The following SLC9A9 variants were observed in gnomAD, a reference collection of about 807,000 sequenced individuals.
The protein encoded by SLC9A9 is sodium/hydrogen exchanger 9.
In SLC9A9, 62 loss-of-function variants were observed where a neutral mutation model predicts 77.8. The observed-to-expected ratio is 0.80, with a 90% CI of 0.65 to 0.98. The LOEUF (loss-of-function observed/expected upper bound fraction) is 0.98, where lower values mean the gene tolerates loss of function less well. Ranked by LOEUF, SLC9A9 falls within the 50% of genes least tolerant of loss-of-function variation. The pLI, the probability that SLC9A9 is intolerant of heterozygous loss-of-function variation, is 0.00. For synonymous variants in SLC9A9, 320 were observed against 283.5 expected (o/e 1.13, Z -1.29); for missense variants, 775 against 774.9 (o/e 1.00, Z 0.00).
chr3:143,535,796 A>G (rs2036581224), intron 9 of SLC9A9, among the ~76,000 whole-genome samples: 1 of 152,194 alleles, frequency 6.6e-6, no homozygotes, highest in Non-Finnish European at 1.5e-5. Context: ...TTACTCCATT[A>G]TATATAAAAT....
chr3:143,819,796 A>G (rs933859156), intron 2 of SLC9A9, among the ~76,000 whole-genome samples: 3 of 152,236 alleles, frequency 2.0e-5, no homozygotes, highest in Non-Finnish European at 4.4e-5. Context: ...ACAGTTTTAA[A>G]GTTTCCTTCA....
intron 6 of SLC9A9, among the ~76,000 whole-genome samples, chr3:143,579,485 G>A (rs756520281): frequency 8.5e-5 from 13 of 152,102 alleles, no homozygotes; most frequent in Non-Finnish European, 1.9e-4. Context: ...AGATCCCAGA[G>A]TGTGAATATG....
chr3:143,836,594 G>A (rs1040045789), intron 1 of SLC9A9, among the ~76,000 whole-genome samples: 1 of 152,334 alleles, frequency 6.6e-6, no homozygotes, highest in Middle Eastern at 3.4e-3. Context: ...CATGATGTTT[G>A]TGAGAGAAGA....
chr3:143,682,995 G>T (rs918238304), intron 5 of SLC9A9, among the ~76,000 whole-genome samples: 1 of 152,140 alleles, frequency 6.6e-6, no homozygotes, highest in African/African-American at 2.4e-5. Flanking sequence ...AGGTTCTAAA[G>T]ATTAAGGTAT....
intron 4 of SLC9A9, among the ~76,000 whole-genome samples, chr3:143,705,340 G>A (rs1933942423): frequency 6.6e-6 from 1 of 151,848 alleles, no homozygotes; most frequent in Admixed American, 6.6e-5. Flanking sequence ...GATGGTTAAT[G>A]GGTACAAAAA....
chr3:143,704,567 C>T (rs6769781), intron 4 of SLC9A9, among the ~76,000 whole-genome samples: 145,555 of 152,326 alleles, frequency 0.96, 69,587 homozygotes, highest in East Asian at 1. Context: ...GCAATTTCAC[C>T]TCTAGGAATA....
At chr3:143,839,897 T>C (rs1245584513) in intron 1 of SLC9A9, among the ~76,000 whole-genome samples, 1 of 152,182 alleles carries the variant, frequency 6.6e-6, no homozygotes, top group African/African-American at 2.4e-5. Context: ...TTACAAAGTG[T>C]TATAGACGGT....
chr3:143,714,459 C>T (rs553948569), intron 4 of SLC9A9, among the ~76,000 whole-genome samples: 34 of 152,300 alleles, frequency 2.2e-4, no homozygotes, highest in Admixed American at 3.3e-4. Flanking sequence ...CAGGCATTAT[C>T]GAGTCCAGTC....
intron 8 of SLC9A9, among the ~76,000 whole-genome samples, chr3:143,568,738 A>G (rs987430888): frequency 6.6e-6 from 1 of 152,164 alleles, no homozygotes; most frequent in Non-Finnish European, 1.5e-5. Context: ...AATGCTTCAG[A>G]CATTCTTTTG....
intron 12 of SLC9A9, among the ~76,000 whole-genome samples, chr3:143,464,211 G>T (rs1393989444): frequency 6.6e-6 from 1 of 152,142 alleles, no homozygotes; most frequent in Non-Finnish European, 1.5e-5. Context: ...TTACTTCGTG[G>T]TGTTTTTGGA....
chr3:143,551,774 G>A (rs187421015), intron 9 of SLC9A9, among the ~76,000 whole-genome samples: 1 of 152,308 alleles, frequency 6.6e-6, no homozygotes, highest in Admixed American at 6.5e-5. Context: ...ACCTCTTGAA[G>A]GCAGGGCCAT....
At chr3:143,268,811 G>A (rs1341261027) in intron 15 of SLC9A9, 64 bp downstream of exon 15, 18 of 1,210,398 alleles carry the variant, frequency 1.5e-5, no homozygotes, top group African/African-American at 3.1e-5. Flanking sequence ...TGGGCTCATC[G>A]ATATTCACCA....
intron 14 of SLC9A9, among the ~76,000 whole-genome samples, chr3:143,311,820 C>T (rs1461431108): frequency 1.3e-5 from 2 of 152,186 alleles, no homozygotes; most frequent in African/African-American, 4.8e-5. Context: ...GTACTGAAAT[C>T]AACCTGAGCA....
At chr3:143,303,667 G>T (rs998218315) in intron 14 of SLC9A9, among the ~76,000 whole-genome samples, 5 of 152,168 alleles carry the variant, frequency 3.3e-5, no homozygotes, top group African/African-American at 1.2e-4. Flanking sequence ...ACCTCAGAGA[G>T]GTATTTATAA....
intron 13 of SLC9A9, among the ~76,000 whole-genome samples, chr3:143,373,664 A>G (rs565559814): frequency 9.2e-5 from 14 of 151,910 alleles, no homozygotes; most frequent in African/African-American, 3.4e-4. Flanking sequence ...AAGAAGTACA[A>G]TATTTGGAAT....
At chr3:143,651,114 G>A (rs964985009) in intron 6 of SLC9A9, among the ~76,000 whole-genome samples, 2 of 152,168 alleles carry the variant, frequency 1.3e-5, no homozygotes, top group African/African-American at 4.8e-5. Context: ...TTCTTTTAAT[G>A]CTAGTATTTC....
At chr3:143,707,979 T>C (rs1202757068) in intron 4 of SLC9A9, among the ~76,000 whole-genome samples, 2 of 152,156 alleles carry the variant, frequency 1.3e-5, no homozygotes, top group South Asian at 4.1e-4. Context: ...CTTGCATGTT[T>C]GGGTCAGTTT....
rs2039001082 is a variant in SLC9A9 at position 143,662,820 on chromosome 3, C to T, written c.650-10460G>A. On this transcript the variant is annotated intron_variant, in intron 5 of 15. Coordinates refer to ENST00000316549, the MANE Select transcript of SLC9A9 (RefSeq NM_173653.4). ...GCTGGGAAGCTCGAACTGGGTGAAGCCCACCACAGCTGAAGGAGGCCTGCA... is the reference window on the plus strand; with the variant it reads ...GCTGGGAAGCTCGAACTGGGTGAAGTCCACCACAGCTGAAGGAGGCCTGCA... Among the ~76,000 whole-genome samples the T allele has an allele frequency of 2.6e-5, 4 of 152,048 alleles. No individual in the cohort carries two copies. In the South Asian group the frequency reaches 8.3e-4, roughly 32 times the overall value.
chr3:143,457,764 T>G (rs2035119817), intron 12 of SLC9A9, among the ~76,000 whole-genome samples: 1 of 152,214 alleles, frequency 6.6e-6, no homozygotes, highest in Admixed American at 6.5e-5. Flanking sequence ...TTCAGTTATT[T>G]TTATATTTAT....
Sources: gnomAD v4.1 joint callset for allele counts (sites outside exome capture counted in the v4.1 genomes callset) on GRCh38, gnomAD v4.1.1 for gene constraint, MANE v1.5 for transcripts, NCBI Gene and HGNC (gene_info 2026-07-23, HGNC 2026-07-21) for gene names.